CLEC12A: variants seen among roughly 807,000 people sequenced by gnomAD.
CLEC12A encodes C-type lectin domain family 12 member A, also known as C-type lectin protein CLL-1.
In CLEC12A, 22 loss-of-function variants were observed where a neutral mutation model predicts 26.5. The observed-to-expected ratio is 0.83, with a 90% CI of 0.59 to 1.19. The LOEUF is 1.19. CLEC12A is among the 50% of genes most tolerant of loss of function. The pLI, the probability that CLEC12A is intolerant of heterozygous loss-of-function variation, is 0.00. For missense variants in CLEC12A, 353 were observed against 315.6 expected, an observed-to-expected ratio of 1.12 and a Z score of -0.90; for synonymous variants, 119 against 101.9, an observed-to-expected ratio of 1.17 and a Z score of -1.01.
At chr12:9,974,035 C>A (rs1864236798) in intron 1 of CLEC12A, among the ~76,000 whole-genome samples, 1 of 152,098 alleles carries the variant, frequency 6.6e-6, no homozygotes, top group South Asian at 2.1e-4. Context: ...AGTTCTTCAC[C>A]TCTCATTCTG....
intron 1 of CLEC12A, among the ~76,000 whole-genome samples, chr12:9,973,104 T>C (rs1349694649): frequency 1.3e-5 from 2 of 152,174 alleles, no homozygotes; most frequent in Non-Finnish European, 1.5e-5. Context: ...CATTGTATTA[T>C]GTAATGTCTA....
chr12:9,967,417 G>A (rs1052499153), upstream of CLEC12A, among the ~76,000 whole-genome samples: 2 of 152,174 alleles, frequency 1.3e-5, no homozygotes, highest in Non-Finnish European at 2.9e-5. Flanking sequence ...AACTACTGTC[G>A]AGTTTGTATT....
In CLEC12A at chr12:9,984,708, A is replaced by G. The variant is rs1864701003; in HGVS notation, c.642-162A>G. On this transcript the variant is annotated intron_variant, in intron 5 of 5. Transcript: ENST00000304361. Reference sequence around the variant, plus strand: ...CATTGCATATGTGTTAACATAAACAATTAACTCGGACATTCTTGATACTCT... The same window carrying G: ...CATTGCATATGTGTTAACATAAACAGTTAACTCGGACATTCTTGATACTCT... Among the ~76,000 whole-genome samples, 3 of 152,154 alleles carry G rather than the reference A, an allele frequency of 2.0e-5. No homozygotes were observed. The South Asian group carries it at 6.2e-4, about 31-fold the overall frequency.
upstream of CLEC12A, among the ~76,000 whole-genome samples, chr12:9,969,953 G>A (rs1301603373): frequency 6.6e-6 from 1 of 152,160 alleles, no homozygotes; most frequent in African/African-American, 2.4e-5. Flanking sequence ...GATAATAATA[G>A]CACCTGGTTT....
rs546910635 is a variant in CLEC12A at position 9,954,491 on chromosome 12, CA to C, written c.10+3146del. Among the ~76,000 whole-genome samples the C allele has an allele frequency of 5.5e-3, 792 of 144,894 alleles. 8 individuals carry two copies. Among genetic ancestry groups the C allele is most frequent in the South Asian group, 0.03 (136 of 4,574 alleles). On this transcript the variant is annotated intron_variant, in intron 1 of 6. Transcript: ENST00000355690. ...AGCCTGGGTGACGGAGATCCTGTCT[CA>C]AAAAAAAAAATAATCAAACTATCAT...
At chr12:10,005,230 T>C in the CLEC12A span, among the ~76,000 whole-genome samples, 2 of 152,182 alleles carry the variant, frequency 1.3e-5, no homozygotes, top group Non-Finnish European at 2.9e-5. Flanking sequence ...TATATTATAG[T>C]AGAAGGTGGT....
chr12:9,994,891 G>C, intron 4 of CLEC12A: 1 of 928,334 alleles, frequency 1.1e-6, no homozygotes, highest in Non-Finnish European at 1.5e-6. Context: ...CCATGGTAAG[G>C]TTGAATGTAA....
rs201771552 is a variant in CLEC12A, at chr12:9,980,636, A to G, written c.434A>G (p.Tyr145Cys). Residue 145 changes from tyrosine (Y) to cysteine (C), a missense_variant, in exon 4 of 6, where the codon TAT becomes TGT. Transcript: ENST00000304361. ...RRWIWHKDSC[Y>C]FLSDDVQTWQ... Reference sequence around the variant, plus strand: ...TGGATTTGGCATAAGGACAGCTGTTATTTCCTAAGTGATGATGTCCAAACA... The same window carrying G: ...TGGATTTGGCATAAGGACAGCTGTTGTTTCCTAAGTGATGATGTCCAAACA... The G allele has an allele frequency of 5.6e-5, 91 of 1,613,780 alleles. No homozygotes were observed. Among genetic ancestry groups the G allele is most frequent in the East Asian group, 8.9e-5 (4 of 44,890 alleles).
At chr12:9,989,111 G>A (rs1211692880), downstream of CLEC12A, among the ~76,000 whole-genome samples, 1 of 151,206 alleles carries the variant, frequency 6.6e-6, no homozygotes, top group Non-Finnish European at 1.5e-5. Flanking sequence ...AGTATTGCAA[G>A]GACAAAAAAC....
chr12:9,982,039 G>T lies in CLEC12A; in HGVS notation c.551G>T (p.Ser184Ile). ...CTGTAGGAATTTATAAAATCCCAGA[G>T]TAGATCATATGACTATTGGCTGGGA... ...KNALEFIKSQSRSYDYWLGLS... is the reference protein window; with the variant it reads ...KNALEFIKSQIRSYDYWLGLS... The change falls in exon 5 of 6, where the codon AGT becomes ATT. Residue 184 changes from serine to isoleucine, a missense_variant. By Grantham distance (142) the Ser-to-Ile change is moderately radical. Transcript: ENST00000304361. 6.4e-7 allele frequency: 1 copy of T among 1,572,082 alleles called. No individual in the cohort carries two copies. The highest frequency in any genetic ancestry group is 1.1e-5 in the South Asian group (1 of 89,906).
At chr12:9,978,772 A>C (rs1461413112) in intron 1 of CLEC12A, among the ~76,000 whole-genome samples, 194 bp from the exon 2 acceptor site, 1 of 152,196 alleles carries the variant, frequency 6.6e-6, no homozygotes, top group African/African-American at 2.4e-5. Context: ...CAAAACAATT[A>C]AGTGATTTTG....
intron 1 of CLEC12A, chr12:9,952,135 C>CTCTCCG (rs1863623478): frequency 7.7e-6 from 1 of 129,772 alleles, no homozygotes; most frequent in Non-Finnish European, 1.6e-5. Context: ...CTCCCTCTCC[C>CTCTCCG]TCTCCCTCTC....
chr12:9,968,112 G>A (rs1864008363), upstream of CLEC12A, among the ~76,000 whole-genome samples: 2 of 152,202 alleles, frequency 1.3e-5, no homozygotes, highest in Admixed American at 1.3e-4. Flanking sequence ...AGTAAAAAGA[G>A]GCCACTTACT....
At chr12:9,995,401 A>G (rs1865017530) in exon 5 of CLEC12A, 4 of 707,166 alleles carry the variant, frequency 5.7e-6, no homozygotes, top group South Asian at 2.8e-5. Flanking sequence ...AATTGTACCA[A>G]TTTGACTTGT....
chr12:9,987,221 C>T (rs1864786115), downstream of CLEC12A, among the ~76,000 whole-genome samples: 1 of 152,174 alleles, frequency 6.6e-6, no homozygotes, highest in African/African-American at 2.4e-5. Context: ...AAGAGGCCCC[C>T]TACTTATCAG....
At chr12:9,995,605 G>A in exon 5 of CLEC12A, 1 of 338,548 alleles carries the variant, frequency 3.0e-6, no homozygotes, top group South Asian at 2.4e-5. Context: ...GAAATACATT[G>A]TTGATGAGCT....
At chr12:9,993,019 A>T (rs1179623006) in intron 4 of CLEC12A, 1 of 847,168 alleles carries the variant, frequency 1.2e-6, no homozygotes, top group Non-Finnish European at 1.8e-6. Flanking sequence ...GAAAGATAAT[A>T]TTAAAAATAA....
At chr12:9,970,926 C>T (rs1430130205), upstream of CLEC12A, among the ~76,000 whole-genome samples, 1 of 152,112 alleles carries the variant, frequency 6.6e-6, no homozygotes, top group East Asian at 1.9e-4. Flanking sequence ...ACTTTAGCAC[C>T]AACCTATATA....
chr12:9,979,435 T>G lies in CLEC12A; in HGVS notation c.290T>G (p.Met97Arg). The part of the protein sequence containing the change: ...RNISLQLMSN[M>R]NISNKIRNLS... ...ATTTCTCTACAACTGATGAGTAACATGAATATCTCCAACAAGATCAGGAAC... is the reference window on the plus strand; with the variant it reads ...ATTTCTCTACAACTGATGAGTAACAGGAATATCTCCAACAAGATCAGGAAC... The change falls in exon 3 of 6, where the codon ATG becomes AGG. Residue 97 changes from methionine to arginine, a missense_variant. Met to Arg is a moderately conservative substitution (Grantham distance 91). Coordinates refer to ENST00000304361, the MANE Select transcript of CLEC12A (RefSeq NM_138337.6). The G allele has an allele frequency of 1.2e-6, 2 of 1,612,978 alleles. No individual in the cohort carries two copies. The highest frequency in any genetic ancestry group is 4.5e-5 in the East Asian group (2 of 44,816).
Sources: gnomAD v4.1 joint callset for allele counts (sites outside exome capture counted in the v4.1 genomes callset) on GRCh38, gnomAD v4.1.1 for gene constraint, MANE v1.5 for transcripts, NCBI Gene and HGNC (gene_info 2026-07-23, HGNC 2026-07-21) for gene names.